Variants in PCDHA6 observed in about 807,000 individuals in gnomAD.
The protein encoded by PCDHA6 is protocadherin alpha 6.
PCDHA6 carries 55 observed loss-of-function variants against 60.3 expected under a neutral mutation model. The ratio of observed to expected loss-of-function variants is 0.91; its 90% CI spans 0.73 to 1.14. The LOEUF (loss-of-function observed/expected upper bound fraction) is 1.14. PCDHA6 is among the 50% of genes most tolerant of loss of function. The probability of loss-of-function intolerance (pLI) is 0.00; values close to 1 mark genes in which losing one functional copy is unlikely to be tolerated. For missense variants in PCDHA6, 1,327 were observed against 1,256.5 expected, an observed-to-expected ratio of 1.06 and a Z score of -0.85; for synonymous variants, 652 against 557.9, an observed-to-expected ratio of 1.17 and a Z score of -2.38.
Position 140,829,622 on chromosome 5 carries a change from C to T in PCDHA6, c.1531C>T (p.His511Tyr). 6.2e-7 allele frequency: 1 copy of T among 1,612,190 alleles called. No individual in the cohort carries two copies. Among genetic ancestry groups the T allele is most frequent in the Admixed American group, 1.7e-5 (1 of 60,010 alleles). ...CGCGTTGTCGAGCTACATTTCGGTG[C>T]ACGCGGAGAGCGGCAAGGTGTACGC... ...ERALSSYISVHAESGKVYALQ... is the reference protein window; with the variant it reads ...ERALSSYISVYAESGKVYALQ... The change falls in exon 1 of 4, where the codon CAC (histidine) becomes TAC (tyrosine). Residue 511 changes from histidine to tyrosine, a missense_variant. Coordinates refer to ENST00000529310, the MANE Select transcript of PCDHA6 (RefSeq NM_018909.4).
intron 1 of PCDHA6, chr5:140,928,747 C>G (rs781895762): frequency 6.2e-7 from 1 of 1,614,132 alleles, no homozygotes; most frequent in Non-Finnish European, 8.5e-7. Context: ...AGGTGAGCTC[C>G]GTACTGCTCG....
intron 1 of PCDHA6, chr5:140,859,970 T>C (rs894279399): frequency 6.6e-6 from 1 of 152,018 alleles, no homozygotes; most frequent in Non-Finnish European, 1.5e-5. Context: ...GTCTCAGGTA[T>C]ACAAGTGCAT....
At chr5:140,987,960 C>G (rs2097275437) in intron 3 of PCDHA6, among the ~76,000 whole-genome samples, 1 of 152,120 alleles carries the variant, frequency 6.6e-6, no homozygotes, top group African/African-American at 2.4e-5. Flanking sequence ...AACCAACTCC[C>G]CATGGAAAGA....
At chr5:140,841,117 A>G (rs2150311332) in intron 1 of PCDHA6, 7 of 622,834 alleles carry the variant, frequency 1.1e-5, no homozygotes, top group South Asian at 9.0e-5. Flanking sequence ...TAATTCATGT[A>G]ATCATTACCT....
At position 140,856,180 on chromosome 5, in the gene PCDHA6, G is replaced by C; in HGVS notation, c.2394+25695G>C. ...AGGAGGCCAGACACGGCACCTTCGT[G>C]GGCCGCATCGCGCAGGACCTGGGGC... On this transcript the variant is annotated intron_variant, in intron 1 of 3. Coordinates refer to ENST00000529310, the MANE Select transcript of PCDHA6 (RefSeq NM_018909.4). The C allele has an allele frequency of 3.1e-6, 5 of 1,598,262 alleles. 1 individual carries two copies. Among genetic ancestry groups the C allele is most frequent in the Non-Finnish European group, 4.3e-6 (5 of 1,167,898 alleles).
chr5:140,926,464 A>C (rs1445781673), intron 1 of PCDHA6: 1 of 159,892 alleles, frequency 6.3e-6, no homozygotes, highest in Non-Finnish European at 1.4e-5. Flanking sequence ...TGTCCTAGAA[A>C]ACACCGTTTA....
chr5:140,934,262 TAATC>T (rs1554209807), intron 1 of PCDHA6, among the ~76,000 whole-genome samples: 1 of 152,136 alleles, frequency 6.6e-6, no homozygotes, highest in Non-Finnish European at 1.5e-5. Flanking sequence ...AAATTAATAA[TAATC>T]AGTGCTTCAT....
chr5:140,958,137 A>G (rs1237826000), intron 1 of PCDHA6, among the ~76,000 whole-genome samples: 2 of 152,112 alleles, frequency 1.3e-5, no homozygotes, highest in Admixed American at 6.6e-5. Flanking sequence ...ATCAGTGTGT[A>G]TATTTATATA....
At position 140,838,077 on chromosome 5, in the gene PCDHA6, A is replaced by AGTGTGT. The variant is rs57130401; in HGVS notation, c.2394+7641_2394+7646dup. Among the ~76,000 whole-genome samples the AGTGTGT allele has an allele frequency of 1.0e-3, 82 of 80,686 alleles. 1 individual carries two copies. Among genetic ancestry groups the AGTGTGT allele is most frequent in the East Asian group, 2.6e-3 (8 of 3,058 alleles). The allele number at this position is 80,686 out of a possible 152,430, so 52.9% of individuals were successfully genotyped here. A position where few individuals can be genotyped will look rare whatever the true frequency, so the allele number is the denominator to read the frequency against. On this transcript the variant is annotated intron_variant, in intron 1 of 3. Coordinates refer to ENST00000529310, the MANE Select transcript of PCDHA6 (RefSeq NM_018909.4). ...TTTCCACTTTAAGTTATATATATATAGTGTGTGTGTGTGTGTGTGTGTGTG... is the reference window on the plus strand; with the variant it reads ...TTTCCACTTTAAGTTATATATATATAGTGTGTGTGTGTGTGTGTGTGTGTGTGTGTG...
At chr5:140,899,336 A>G (rs2067275819) in intron 1 of PCDHA6, among the ~76,000 whole-genome samples, 1 of 152,130 alleles carries the variant, frequency 6.6e-6, no homozygotes, top group Non-Finnish European at 1.5e-5. Context: ...TTTGTCATAG[A>G]TAGCTCTTAT....
chr5:140,971,702 T>G (rs1411821487), intron 1 of PCDHA6, among the ~76,000 whole-genome samples: 6 of 152,138 alleles, frequency 3.9e-5, no homozygotes, highest in African/African-American at 1.4e-4. Flanking sequence ...CTAACCACCC[T>G]GCTATATAGA....
At chr5:140,867,536 A>T (rs1177306827) in intron 1 of PCDHA6, 3 of 152,126 alleles carry the variant, frequency 2.0e-5, no homozygotes, top group African/African-American at 7.2e-5. Flanking sequence ...ATATATATAA[A>T]ATATTAGCAT....
At chr5:140,885,664 A>G (rs2060680895) in intron 1 of PCDHA6, among the ~76,000 whole-genome samples, 1 of 152,174 alleles carries the variant, frequency 6.6e-6, no homozygotes, top group Non-Finnish European at 1.5e-5. Context: ...ACCAGTTATG[A>G]GCACTCTTTC....
At chr5:140,950,083 T>C (rs1361884165) in intron 1 of PCDHA6, among the ~76,000 whole-genome samples, 1 of 152,002 alleles carries the variant, frequency 6.6e-6, no homozygotes, top group Non-Finnish European at 1.5e-5. Context: ...GCTTATGCTA[T>C]AGTTTTCATT....
At position 140,857,609 on chromosome 5, in the gene PCDHA6, C is replaced by T; in HGVS notation, c.2394+27124C>T. 1.3e-6 allele frequency: 2 copies of T among 1,596,206 alleles called. 1 individual carries two copies. Among genetic ancestry groups the T allele is most frequent in the African/African-American group, 2.7e-5 (2 of 74,262 alleles). ...GAGCGGCAAGGTGTACGCGCTGCAG[C>T]CGCTGGACCACGAGGAGCTGGAGCT... is the stretch of plus-strand genomic sequence containing the variant. On this transcript the variant is annotated intron_variant, in intron 1 of 3. Transcript: ENST00000529310.
At position 140,937,140 on chromosome 5, in the gene PCDHA6, C is replaced by T. The variant is rs553273845; in HGVS notation, c.2395-41809C>T. Among the ~76,000 whole-genome samples, 820 of 151,358 alleles carry T rather than the reference C, an allele frequency of 5.4e-3. 1 individual carries two copies. The highest frequency in any genetic ancestry group is 0.019 in the African/African-American group (789 of 41,228). On this transcript the variant is annotated intron_variant, in intron 1 of 3. Transcript: ENST00000529310. Reference sequence around the variant, plus strand: ...GCAAGCTCCGCCTCCCGGGTTCATGCCATTCTCCTGCCTCAGCCTCCCGAG... The same window carrying T: ...GCAAGCTCCGCCTCCCGGGTTCATGTCATTCTCCTGCCTCAGCCTCCCGAG...
chr5:140,839,341 G>C (rs2150296500), intron 1 of PCDHA6, among the ~76,000 whole-genome samples: 1 of 150,798 alleles, frequency 6.6e-6, no homozygotes, highest in Non-Finnish European at 1.5e-5. Context: ...AGTTGATAGG[G>C]GATCCTCCTT....
intron 1 of PCDHA6, chr5:140,875,821 T>C: frequency 6.2e-7 from 1 of 1,614,192 alleles, no homozygotes; most frequent in Non-Finnish European, 8.5e-7. Context: ...GCTGCAGGTT[T>C]TCCATGTGGA....
intron 1 of PCDHA6, chr5:140,881,365 T>A (rs1216010175): frequency 1.0e-6 from 1 of 985,144 alleles, no homozygotes; most frequent in Non-Finnish European, 1.2e-6. Flanking sequence ...GGCTTTCGTA[T>A]GAATTGCAGC....
Sources: allele counts gnomAD v4.1 joint callset (sites outside exome capture counted in the v4.1 genomes callset), GRCh38; gene constraint gnomAD v4.1.1; transcripts MANE v1.5; gene names NCBI Gene and HGNC (gene_info 2026-07-23, HGNC 2026-07-21).